Variants in XKR6 observed in about 807,000 individuals in gnomAD.
XKR6 encodes the protein XK related 6.
A neutral mutation model predicts 56.7 loss-of-function variants in XKR6; 22 were observed. That is an observed-to-expected ratio of 0.39 (90% confidence interval 0.28 to 0.55). XKR6 has a LOEUF of 0.55. Among genes scored for constraint, XKR6 ranks in the 20% least tolerant of loss-of-function variants. The pLI is 0.66. For synonymous variants in XKR6, 524 were observed against 387.8 expected, an observed-to-expected ratio of 1.35 and a Z score of -4.13; for missense variants, 852 against 889.0, an observed-to-expected ratio of 0.96 and a Z score of 0.53.
intron 1 of XKR6, among the ~76,000 whole-genome samples, chr8:10,951,460 A>ACC (rs955689468): frequency 1.3e-5 from 2 of 152,182 alleles, no homozygotes; most frequent in African/African-American, 4.8e-5. Flanking sequence ...AGACAGAATC[A>ACC]CCGGCGGCTG....
intron 1 of XKR6, among the ~76,000 whole-genome samples, chr8:11,067,394 C>T (rs1314345704): frequency 6.6e-6 from 1 of 152,190 alleles, no homozygotes; most frequent in African/African-American, 2.4e-5. Flanking sequence ...CCAGGCACTT[C>T]TCCTCGAAGC....
chr8:10,954,776 T>C (rs558919337), intron 1 of XKR6, among the ~76,000 whole-genome samples: 101 of 152,046 alleles, frequency 6.6e-4, no homozygotes, highest in African/African-American at 2.2e-3. Context: ...CTTCTAAGAG[T>C]TGTATAGTTT....
At chr8:10,926,304 C>G (rs1800881807) in intron 1 of XKR6, among the ~76,000 whole-genome samples, 1 of 152,212 alleles carries the variant, frequency 6.6e-6, no homozygotes. Flanking sequence ...TACCCCAGAA[C>G]AACCCATTCT....
intron 1 of XKR6, among the ~76,000 whole-genome samples, chr8:11,184,388 T>TAC (rs6150466): frequency 0.046 from 6,792 of 146,156 alleles, 167 homozygotes; most frequent in Admixed American, 0.077. Flanking sequence ...TATACACACA[T>TAC]ACACACACAC....
chr8:11,189,551 C>T (rs928590294), intron 1 of XKR6, among the ~76,000 whole-genome samples: 2 of 152,154 alleles, frequency 1.3e-5, no homozygotes, highest in African/African-American at 4.8e-5. Flanking sequence ...CTTCTTTTAT[C>T]CATTCCGCCC....
intron 1 of XKR6, among the ~76,000 whole-genome samples, chr8:11,031,459 G>A (rs1798991465): frequency 1.3e-5 from 2 of 152,154 alleles, no homozygotes; most frequent in Admixed American, 6.5e-5. Context: ...TGTAGCCCAC[G>A]GGGGTTCCTG....
intron 1 of XKR6, among the ~76,000 whole-genome samples, chr8:11,051,391 T>A (rs1284244564): frequency 6.6e-6 from 1 of 151,696 alleles, no homozygotes; most frequent in Non-Finnish European, 1.5e-5. Flanking sequence ...CAAAGTGACA[T>A]CTCCAAGCCC....
rs79599087 is a variant in XKR6, at chr8:10,980,382, G to A, written c.765-55552C>T. ...CACCAGATCCCATGGGTGACAGGGA[G>A]CTATCAACAGATATTAAACAGGGGA... On this transcript the variant is annotated intron_variant, in intron 1 of 2. Coordinates refer to ENST00000416569, the MANE Select transcript of XKR6 (RefSeq NM_173683.4). 5.7e-3 allele frequency among the ~76,000 whole-genome samples: 870 copies of A among 152,328 alleles called. 12 individuals carry two copies. Among genetic ancestry groups the A allele is most frequent in the African/African-American group, 0.02 (814 of 41,562 alleles).
intron 1 of XKR6, among the ~76,000 whole-genome samples, chr8:11,059,653 G>A (rs924875434): frequency 7.1e-6 from 1 of 141,406 alleles, no homozygotes; most frequent in Admixed American, 6.8e-5. Context: ...GGACAGGTGC[G>A]GGGGGCGCGG....
chr8:10,938,416 G>C (rs1801292105), intron 1 of XKR6, among the ~76,000 whole-genome samples: 1 of 152,134 alleles, frequency 6.6e-6, no homozygotes, highest in Non-Finnish European at 1.5e-5. Context: ...CGGCCATCTT[G>C]GCTCCTCCCC....
intron 1 of XKR6, among the ~76,000 whole-genome samples, chr8:10,993,869 T>C (rs199679463): frequency 6.6e-6 from 1 of 152,170 alleles, no homozygotes; most frequent in Non-Finnish European, 1.5e-5. Flanking sequence ...TATAGCCCTA[T>C]ACCTGCAGCC....
chr8:11,144,018 CTTT>C (rs1246372425), intron 1 of XKR6, among the ~76,000 whole-genome samples: 1 of 152,032 alleles, frequency 6.6e-6, no homozygotes, highest in Non-Finnish European at 1.5e-5. Flanking sequence ...TCTCCCTCTT[CTTT>C]TAAGAAGTTG....
In XKR6 at chr8:10,982,941, G is replaced by A. The variant is rs558010904; in HGVS notation, c.765-58111C>T. 3.3e-5 allele frequency among the ~76,000 whole-genome samples: 5 copies of A among 152,294 alleles called. No homozygotes were observed. In the South Asian group the frequency reaches 1.0e-3, roughly 32 times the overall value. ...CATTTCCGCTCCTTCCTAGCTATAT[G>A]GCCTTGGGCAAGCCATTTAACTTCT... On this transcript the variant is annotated intron_variant, in intron 1 of 2. Transcript: ENST00000416569.
At chr8:10,946,763 C>A (rs989370671) in intron 1 of XKR6, among the ~76,000 whole-genome samples, 1 of 152,112 alleles carries the variant, frequency 6.6e-6, no homozygotes, top group African/African-American at 2.4e-5. Context: ...GTTCACAGAC[C>A]AGTGGAGGAG....
chr8:10,992,259 T>C (rs1429249608), intron 1 of XKR6, among the ~76,000 whole-genome samples: 1 of 147,622 alleles, frequency 6.8e-6, no homozygotes, highest in Non-Finnish European at 1.5e-5. Context: ...TAACTCTCTC[T>C]CTCTGTCTCT....
intron 1 of XKR6, among the ~76,000 whole-genome samples, chr8:11,065,303 G>A (rs1384779071): frequency 6.6e-6 from 1 of 152,204 alleles, no homozygotes; most frequent in Non-Finnish European, 1.5e-5. Context: ...AGAGGAAGTT[G>A]TCTTATGGAT....
At chr8:11,003,193 G>T (rs956237861) in intron 1 of XKR6, among the ~76,000 whole-genome samples, 2 of 152,094 alleles carry the variant, frequency 1.3e-5, no homozygotes, top group African/African-American at 4.8e-5. Flanking sequence ...CAGACACCAA[G>T]GAGGCACAGA....
chr8:10,944,009 A>C (rs1801462059), intron 1 of XKR6, among the ~76,000 whole-genome samples: 1 of 151,890 alleles, frequency 6.6e-6, no homozygotes, highest in South Asian at 2.1e-4. Flanking sequence ...CCAATATCCG[A>C]GCTCTCCTTA....
intron 1 of XKR6, among the ~76,000 whole-genome samples, chr8:11,099,000 T>C (rs181547155): frequency 6.6e-5 from 10 of 152,304 alleles, no homozygotes; most frequent in Admixed American, 5.2e-4. Flanking sequence ...GGGTATAGTC[T>C]AGGAGAATAA....
Sources: gnomAD v4.1 joint callset for allele counts (sites outside exome capture counted in the v4.1 genomes callset) on GRCh38, gnomAD v4.1.1 for gene constraint, MANE v1.5 for transcripts, NCBI Gene and HGNC (gene_info 2026-07-23, HGNC 2026-07-21) for gene names.